RAP1GAP2: variants seen among roughly 807,000 people sequenced by gnomAD.
RAP1GAP2 encodes rap1 GTPase-activating protein 2.
Under a neutral mutation model 95.0 loss-of-function variants are expected in RAP1GAP2, and 27 were observed. The observed-to-expected ratio is 0.28, with a 90% CI of 0.21 to 0.39. RAP1GAP2 has a LOEUF of 0.39. Ranked by LOEUF, RAP1GAP2 falls within the 10% of genes least tolerant of loss-of-function variation. The probability of loss-of-function intolerance (pLI) is 1.00; values close to 1 mark genes in which losing one functional copy is unlikely to be tolerated. For synonymous variants in RAP1GAP2, 373 were observed against 380.9 expected, an observed-to-expected ratio of 0.98 and a Z score of 0.24; for missense variants, 771 against 970.0, an observed-to-expected ratio of 0.79 and a Z score of 2.72.
intron 2 of RAP1GAP2, among the ~76,000 whole-genome samples, chr17:2,812,716 G>A (rs764731053): frequency 7.2e-5 from 11 of 152,072 alleles, no homozygotes; most frequent in East Asian, 1.9e-4. Flanking sequence ...CCGGCTGGGC[G>A]CAGTGGCTCA....
At chr17:2,755,997 G>T (rs1227774634) in intron 1 of RAP1GAP2, among the ~76,000 whole-genome samples, 1 of 152,180 alleles carries the variant, frequency 6.6e-6, no homozygotes, top group Non-Finnish European at 1.5e-5. Flanking sequence ...GGGCGACGGG[G>T]ACCCTGTGCG....
chr17:2,983,963 T>C (rs1248433688), intron 10 of RAP1GAP2, among the ~76,000 whole-genome samples: 1 of 152,204 alleles, frequency 6.6e-6, no homozygotes, highest in Non-Finnish European at 1.5e-5. Flanking sequence ...TTTTTGAATC[T>C]TCATAACCAC....
chr17:2,808,805 A>G (rs7225437), intron 2 of RAP1GAP2, among the ~76,000 whole-genome samples: 93,570 of 152,102 alleles, frequency 0.62, 28,895 homozygotes, highest in Middle Eastern at 0.68. Flanking sequence ...GTGTGGGGGC[A>G]TGTGGGTGTG....
intron 11 of RAP1GAP2, among the ~76,000 whole-genome samples, chr17:2,985,434 A>G (rs1206678928): frequency 6.6e-6 from 1 of 152,162 alleles, no homozygotes; most frequent in African/African-American, 2.4e-5. Flanking sequence ...CCCCACTGGG[A>G]ATTAGCTTTT....
chr17:2,769,232 TAAAAAAAAAAAAAAAAAAAAAAAAAAA>T (rs58436827), intron 1 of RAP1GAP2, among the ~76,000 whole-genome samples: 11 of 42,912 alleles, frequency 2.6e-4, no homozygotes, highest in East Asian at 1.8e-3. Flanking sequence ...ACCATTTCTC[TAAAAAAAAAAAAAAAAAAAAAAAAAAA>T]AAAAAAAAAA....
rs1294095561 is a variant in RAP1GAP2 at position 2,905,308 on chromosome 17, G to A, written c.105G>A (p.Ser35=). The A allele has an allele frequency of 3.0e-5, 48 of 1,613,678 alleles. No homozygotes were observed. Among genetic ancestry groups the A allele is most frequent in the South Asian group, 8.8e-5 (8 of 91,084 alleles). ...KVKKQELANS[S]DATLPDRPLS... Reference sequence around the variant, plus strand: ...GGAAGCAGGAGCTGGCCAACAGCTCGGATGCGACCCTCCCAGACCGGCCGC... The same window carrying A: ...GGAAGCAGGAGCTGGCCAACAGCTCAGATGCGACCCTCCCAGACCGGCCGC... The change falls in exon 3 of 25, where the codon TCG becomes TCA. Residue 35 remains serine, a synonymous_variant. Coordinates refer to ENST00000254695, the MANE Select transcript of RAP1GAP2 (RefSeq NM_015085.5).
chr17:2,799,093 C>G (rs1160960040), intron 1 of RAP1GAP2, among the ~76,000 whole-genome samples: 1 of 152,228 alleles, frequency 6.6e-6, no homozygotes, highest in Non-Finnish European at 1.5e-5. Flanking sequence ...AATGTAAAAC[C>G]TAAGCGCCTG....
intron 2 of RAP1GAP2, among the ~76,000 whole-genome samples, chr17:2,898,095 T>C (rs1354265074): frequency 1.3e-5 from 2 of 152,086 alleles, no homozygotes; most frequent in Non-Finnish European, 2.9e-5. Flanking sequence ...AAATTTTTTA[T>C]GGAGATGGGA....
At chr17:2,987,051 C>G (rs2045581484) in intron 11 of RAP1GAP2, among the ~76,000 whole-genome samples, 1 of 152,162 alleles carries the variant, frequency 6.6e-6, no homozygotes, top group South Asian at 2.1e-4. Flanking sequence ...TCTGTGACAG[C>G]CTCTCAGCTT....
intron 1 of RAP1GAP2, among the ~76,000 whole-genome samples, chr17:2,788,502 T>C (rs1039652418): frequency 3.3e-5 from 5 of 152,108 alleles, no homozygotes; most frequent in Admixed American, 6.6e-5. Flanking sequence ...TTCACCATGT[T>C]GATCACACTG....
rs1174671422 is a variant in RAP1GAP2, at chr17:3,037,535, C to G, written c.*4174C>G. Reference sequence around the variant, plus strand: ...GAAGTGATGCTCCATGTGACGACGACTTTGCTTTCTTTCCTCTTAGTGAGG... The same window carrying G: ...GAAGTGATGCTCCATGTGACGACGAGTTTGCTTTCTTTCCTCTTAGTGAGG... On this transcript the variant is annotated 3_prime_UTR_variant, in exon 25 of 25. Transcript: ENST00000254695. 2.0e-5 allele frequency: 3 copies of G among 152,332 alleles called. No homozygotes were observed. Among genetic ancestry groups the G allele is most frequent in the Non-Finnish European group, 2.9e-5 (2 of 68,006 alleles). The allele number at this position is 152,332 out of a possible 1,614,324, so 9.4% of individuals were successfully genotyped here.
chr17:2,773,995 T>A (rs1166791102), upstream of RAP1GAP2, among the ~76,000 whole-genome samples: 1 of 152,106 alleles, frequency 6.6e-6, no homozygotes, highest in Non-Finnish European at 1.5e-5. Context: ...TGCCCTCAGG[T>A]GATCTGCCTG....
intron 3 of RAP1GAP2, among the ~76,000 whole-genome samples, chr17:2,939,235 A>G (rs1472303320): frequency 6.6e-6 from 1 of 152,112 alleles, no homozygotes; most frequent in Non-Finnish European, 1.5e-5. Flanking sequence ...GACTACAGGC[A>G]TGCGCCACCA....
At chr17:2,779,198 C>T (rs12602710) in intron 1 of RAP1GAP2, among the ~76,000 whole-genome samples, 57,178 of 151,834 alleles carry the variant, frequency 0.38, 11,023 homozygotes, top group East Asian at 0.63. Flanking sequence ...CACTGAGGTG[C>T]CTAACACTGC....
At chr17:2,852,668 G>GCC (rs1414500815) in intron 2 of RAP1GAP2, among the ~76,000 whole-genome samples, 1 of 152,248 alleles carries the variant, frequency 6.6e-6, no homozygotes, top group Non-Finnish European at 1.5e-5. Context: ...CCCAAAGATG[G>GCC]ACTAATTGGC....
chr17:2,779,301 C>T (rs894590108), intron 1 of RAP1GAP2, among the ~76,000 whole-genome samples: 1 of 152,232 alleles, frequency 6.6e-6, no homozygotes, highest in Non-Finnish European at 1.5e-5. Context: ...AATTTTTGAA[C>T]ATGGTGATGG....
In RAP1GAP2 at chr17:2,871,654, G is replaced by A. The variant is rs1267770874; in HGVS notation, c.81-33630G>A. Among the ~76,000 whole-genome samples the A allele has an allele frequency of 2.0e-5, 3 of 152,156 alleles. No homozygotes were observed. The highest frequency in any genetic ancestry group is 2.9e-5 in the Non-Finnish European group (2 of 68,022). On this transcript the variant is annotated intron_variant, in intron 2 of 24. Coordinates refer to ENST00000254695, the MANE Select transcript of RAP1GAP2 (RefSeq NM_015085.5). The surrounding 1 kb of genome is among the most constrained non-coding windows in gnomAD (Gnocchi z 5.0). ...TGAGCACGTGGACCCTCACCTTCAT[G>A]CTGATTTCATTGGGGTTCAATTGGT...
intron 2 of RAP1GAP2, among the ~76,000 whole-genome samples, chr17:2,881,198 C>G (rs2073274781): frequency 6.6e-6 from 1 of 151,180 alleles, no homozygotes; most frequent in Middle Eastern, 3.4e-3. Flanking sequence ...GAGGCAGAGG[C>G]TGGAGTGAGC....
chr17:2,911,417 A>G (rs2042377743), intron 3 of RAP1GAP2, among the ~76,000 whole-genome samples: 1 of 151,964 alleles, frequency 6.6e-6, no homozygotes, highest in Admixed American at 6.6e-5. Flanking sequence ...GGAATACCGT[A>G]GGTGGTTTCC....
Sources: gnomAD v4.1 joint callset for allele counts (sites outside exome capture counted in the v4.1 genomes callset) on GRCh38, gnomAD v4.1.1 for gene constraint, Gnocchi (gnomAD v3.1) non-coding constraint, MANE v1.5 for transcripts, NCBI Gene and HGNC (gene_info 2026-07-23, HGNC 2026-07-21) for gene names.